The following PTPRN2 variants were observed in gnomAD, a reference collection of about 807,000 sequenced individuals.
PTPRN2 encodes protein tyrosine phosphatase receptor type N2.
Under a neutral mutation model 118.8 loss-of-function variants are expected in PTPRN2, and 74 were observed. The ratio of observed to expected loss-of-function variants is 0.62; its 90% CI spans 0.52 to 0.76. The LOEUF (loss-of-function observed/expected upper bound fraction) is 0.76. Ranked by LOEUF, PTPRN2 falls within the 30% of genes least tolerant of loss-of-function variation. PTPRN2 has a pLI of 0.00. For missense variants in PTPRN2, 1,481 were observed against 1,394.4 expected, an observed-to-expected ratio of 1.06 and a Z score of -0.99; for synonymous variants, 641 against 608.0, an observed-to-expected ratio of 1.05 and a Z score of -0.80.
intron 3 of PTPRN2, among the ~76,000 whole-genome samples, chr7:158,245,905 G>T (rs117146810): frequency 9.7e-4 from 148 of 152,160 alleles, no homozygotes; most frequent in Middle Eastern, 6.8e-3. Context: ...CATGGAGCTG[G>T]ACATCAGTCT....
intron 6 of PTPRN2, among the ~76,000 whole-genome samples, chr7:158,153,146 G>A (rs1026697232): frequency 3.3e-5 from 5 of 152,164 alleles, no homozygotes; most frequent in South Asian, 2.1e-4. Flanking sequence ...GAGTGTGGCC[G>A]GGGCAGTCTG....
At chr7:158,129,331 C>T (rs1483158208) in intron 9 of PTPRN2, among the ~76,000 whole-genome samples, 1 of 149,814 alleles carries the variant, frequency 6.7e-6, no homozygotes, top group East Asian at 2.0e-4. Context: ...ATACTGTACA[C>T]CACGCACTAC....
In PTPRN2 at chr7:157,628,978, C is replaced by A. The variant is rs117044772; in HGVS notation, c.2197-7469G>T. Among the ~76,000 whole-genome samples, 1,042 of 152,252 alleles carry A rather than the reference C, an allele frequency of 6.8e-3. 7 individuals are homozygous for A. The highest frequency in any genetic ancestry group is 0.011 in the Non-Finnish European group (743 of 68,018). ...GTTTAAGAGACTATGTGACACTAAA[C>A]TGCTAGTTAACAAGGACAATTTCTC... On this transcript the variant is annotated intron_variant, in intron 14 of 22. Transcript: ENST00000389418.
chr7:158,151,599 C>A (rs893189858), intron 6 of PTPRN2, among the ~76,000 whole-genome samples: 2 of 151,968 alleles, frequency 1.3e-5, no homozygotes, highest in East Asian at 3.9e-4. Flanking sequence ...GTATGAGCCA[C>A]GCCCTCCCCT....
chr7:157,948,785 A>G (rs1800636991), intron 11 of PTPRN2, among the ~76,000 whole-genome samples: 1 of 152,250 alleles, frequency 6.6e-6, no homozygotes, highest in Non-Finnish European at 1.5e-5. Flanking sequence ...ATAAATGCCC[A>G]TTGAAGTATT....
chr7:158,080,509 A>G (rs1198980241), intron 11 of PTPRN2, among the ~76,000 whole-genome samples: 3 of 150,104 alleles, frequency 2.0e-5, no homozygotes, highest in Admixed American at 6.7e-5. Context: ...AGGTTCTGTT[A>G]TGCTTCCTGT....
At chr7:157,790,163 T>C (rs1585475130) in intron 12 of PTPRN2, among the ~76,000 whole-genome samples, 1 of 127,678 alleles carries the variant, frequency 7.8e-6, no homozygotes, top group Admixed American at 8.0e-5. Flanking sequence ...GTGAATGTGG[T>C]GTGTGTGGTG....
At chr7:158,329,758 C>G (rs1034320394) in intron 2 of PTPRN2, among the ~76,000 whole-genome samples, 1 of 152,262 alleles carries the variant, frequency 6.6e-6, no homozygotes, top group East Asian at 1.9e-4. Flanking sequence ...GGAACTTGCT[C>G]AGAGTTGGCC....
chr7:158,262,633 T>C (rs1032886219), intron 3 of PTPRN2, among the ~76,000 whole-genome samples: 6 of 134,736 alleles, frequency 4.5e-5, no homozygotes, highest in African/African-American at 1.7e-4. Context: ...ACATTCACAC[T>C]GCAAACATTC....
At chr7:158,021,747 T>C (rs971927980) in intron 11 of PTPRN2, among the ~76,000 whole-genome samples, 2 of 152,238 alleles carry the variant, frequency 1.3e-5, no homozygotes, top group African/African-American at 4.8e-5. Context: ...CCAGCCTCCA[T>C]AGTGGGGAGA....
intron 2 of PTPRN2, among the ~76,000 whole-genome samples, chr7:158,398,169 G>A (rs987192218): frequency 6.6e-6 from 1 of 152,232 alleles, no homozygotes; most frequent in African/African-American, 2.4e-5. Flanking sequence ...ATCATTCATA[G>A]GAGAATGCAA....
chr7:158,524,243 A>T (rs1309403218), intron 1 of PTPRN2, among the ~76,000 whole-genome samples: 1 of 50,528 alleles, frequency 2.0e-5, no homozygotes, highest in Non-Finnish European at 3.7e-5. Flanking sequence ...TCTGCCCTGG[A>T]GTGGAGTCAT....
chr7:158,252,592 AG>A (rs1796757720), intron 3 of PTPRN2, among the ~76,000 whole-genome samples: 1 of 152,158 alleles, frequency 6.6e-6, no homozygotes, highest in Non-Finnish European at 1.5e-5. Flanking sequence ...AGGACAGGAC[AG>A]GGTAGGAAGG....
intron 2 of PTPRN2, among the ~76,000 whole-genome samples, chr7:158,377,484 C>T (rs1343994203): frequency 6.6e-6 from 1 of 152,182 alleles, no homozygotes; most frequent in Non-Finnish European, 1.5e-5. Context: ...AAGGGGACCC[C>T]ACTTGGACAC....
chr7:158,165,409 C>T lies in PTPRN2; in HGVS notation c.910+1522G>A, dbSNP rs576735789. Among the ~76,000 whole-genome samples the T allele has an allele frequency of 7.2e-5, 11 of 152,364 alleles. No individual in the cohort carries two copies. In the East Asian group the frequency reaches 9.7e-4, roughly 13 times the overall value. ...AGCAGCACTCACTCAAGTGCAGCAT[C>T]GGCCTCCTCCGCCGTCCTTCTCCTC... is the stretch of plus-strand genomic sequence containing the variant. On this transcript the variant is annotated intron_variant, in intron 6 of 22. Transcript: ENST00000389418.
At chr7:158,173,809 C>T (rs749250322) in intron 5 of PTPRN2, among the ~76,000 whole-genome samples, 6 of 152,228 alleles carry the variant, frequency 3.9e-5, no homozygotes, top group Non-Finnish European at 7.3e-5. Flanking sequence ...CAATATTTCT[C>T]CTACTTGCTT....
rs79736565 is a variant in PTPRN2 at position 157,720,832 on chromosome 7, C to T, written c.1789-37895G>A. Among the ~76,000 whole-genome samples, 354 of 152,322 alleles carry T rather than the reference C, an allele frequency of 2.3e-3. 3 individuals are homozygous for T. Among genetic ancestry groups the T allele is most frequent in the Non-Finnish European group, 3.0e-3 (204 of 68,030 alleles). On this transcript the variant is annotated intron_variant, in intron 12 of 22. Transcript: ENST00000389418. ...CTCATTTCCAGTCTTTCTGGGACAG[C>T]GGAGCCCTGGGCAGGGGACACCGTG...
intron 1 of PTPRN2, among the ~76,000 whole-genome samples, chr7:158,564,133 C>T (rs1030922949): frequency 6.6e-6 from 1 of 152,176 alleles, no homozygotes; most frequent in African/African-American, 2.4e-5. Context: ...GGGACTGTCC[C>T]GTACCTCCAC....
At chr7:157,806,737 C>A (rs568930997) in intron 12 of PTPRN2, among the ~76,000 whole-genome samples, 4 of 152,324 alleles carry the variant, frequency 2.6e-5, no homozygotes, top group East Asian at 3.9e-4. Flanking sequence ...ATTTCCGTGG[C>A]CTGCCAGTTT....
Sources: gnomAD v4.1 joint callset for allele counts (sites outside exome capture counted in the v4.1 genomes callset) on GRCh38, gnomAD v4.1.1 for gene constraint, MANE v1.5 for transcripts, NCBI Gene and HGNC (gene_info 2026-07-23, HGNC 2026-07-21) for gene names.